Variants in EXD1 observed in about 807,000 individuals in gnomAD.
EXD1 encodes the protein piRNA biogenesis protein EXD1.
EXD1 carries 63 observed loss-of-function variants against 49.1 expected under a neutral mutation model. That is an observed-to-expected ratio of 1.28 (90% confidence interval 1.05 to 1.58). EXD1 has a LOEUF of 1.58. Ranked by LOEUF, EXD1 falls within the 40% of genes most tolerant of loss-of-function variation. EXD1 has a pLI of 0.00. For synonymous variants in EXD1, 234 were observed against 239.2 expected (o/e 0.98, Z 0.20); for missense variants, 748 against 666.0 (o/e 1.12, Z -1.36).
chr15:41,227,689 AAAAG>A (rs1367700953), intron 1 of EXD1, among the ~76,000 whole-genome samples: 1 of 151,946 alleles, frequency 6.6e-6, no homozygotes, highest in Admixed American at 6.6e-5. Flanking sequence ...AAAAAAAAAA[AAAAG>A]AATTACAACC....
At chr15:41,199,747 T>TATGA (rs558589077) in intron 7 of EXD1, among the ~76,000 whole-genome samples, 1 of 99,762 alleles carries the variant, frequency 1.0e-5, no homozygotes, top group African/African-American at 4.0e-5. Context: ...ATGTCATATA[T>TATGA]TATATATGAT....
At chr15:41,206,611 T>C (rs1476660470) in intron 7 of EXD1, among the ~76,000 whole-genome samples, 1 of 144,470 alleles carries the variant, frequency 6.9e-6, no homozygotes, top group African/African-American at 2.5e-5. Context: ...AATCCTGTTA[T>C]TCAATTCTTT....
In EXD1 at chr15:41,217,110, C is replaced by T. The variant is rs1337118076; in HGVS notation, c.247G>A (p.Ala83Thr). The change falls in exon 4 of 12, where the codon GCA becomes ACA. Residue 83 changes from alanine to threonine, a missense_variant. Physicochemically the swap from Ala to Thr is moderately conservative, Grantham distance 58. Coordinates refer to ENST00000458580, the MANE Select transcript of EXD1 (RefSeq NM_001286441.2). ...ATTCCTTCTTACCTAACAGAAGATG[C>T]TTTTGCTCTCACTGAGCCTTGTTCC... The part of the protein sequence containing the change: ...EVEQGSVRAK[A>T]SSVSLHAERT... 2.5e-6 allele frequency: 4 copies of T among 1,612,268 alleles called. No individual in the cohort carries two copies. The highest frequency in any genetic ancestry group is 3.4e-6 in the Non-Finnish European group (4 of 1,179,786).
In EXD1 at chr15:41,230,725, G is replaced by T. The variant is rs1037383931; in HGVS notation, c.-300C>A. 3.1e-6 allele frequency: 2 copies of T among 638,840 alleles called. No individual in the cohort carries two copies. Among genetic ancestry groups the T allele is most frequent in the Non-Finnish European group, 5.3e-6 (2 of 380,400 alleles). 39.6% of individuals were successfully genotyped at this position (638,840 alleles called of 1,614,324 possible). Reference sequence around the variant, plus strand: ...CGCCGGGGACACACGCCGCAGAGGCGACGCCCGCCCGGCCCAACGTCCAGT... The same window carrying T: ...CGCCGGGGACACACGCCGCAGAGGCTACGCCCGCCCGGCCCAACGTCCAGT... On this transcript the variant is annotated 5_prime_UTR_variant, in exon 1 of 12. Coordinates refer to ENST00000458580, the MANE Select transcript of EXD1 (RefSeq NM_001286441.2).
intron 7 of EXD1, among the ~76,000 whole-genome samples, chr15:41,198,024 C>CA (rs369020899): frequency 1.3e-5 from 2 of 151,036 alleles, no homozygotes; most frequent in African/African-American, 2.4e-5. Context: ...GACTTTGTCT[C>CA]AAAAAAAATA....
intron 7 of EXD1, among the ~76,000 whole-genome samples, chr15:41,197,118 C>A (rs2046626483): frequency 6.6e-6 from 1 of 152,090 alleles, no homozygotes; most frequent in African/African-American, 2.4e-5. Flanking sequence ...AGCCACCAGG[C>A]CCCACCACAT....
intron 11 of EXD1, among the ~76,000 whole-genome samples, chr15:41,185,435 A>T (rs908319846): frequency 3.3e-5 from 5 of 151,210 alleles, no homozygotes; most frequent in Non-Finnish European, 7.4e-5. Flanking sequence ...AACCTATAAC[A>T]CCTGGCCTTT....
chr15:41,193,600 C>T (rs1471746374), intron 9 of EXD1, among the ~76,000 whole-genome samples: 2 of 152,022 alleles, frequency 1.3e-5, no homozygotes, highest in Non-Finnish European at 2.9e-5. Context: ...ATCAGCCAGG[C>T]ATGGTGGTGT....
At chr15:41,201,192 T>C (rs370631965) in intron 7 of EXD1, among the ~76,000 whole-genome samples, 3 of 151,938 alleles carry the variant, frequency 2.0e-5, no homozygotes, top group African/African-American at 7.3e-5. Context: ...CTGTGTTGAG[T>C]AGAAAGTATA....
Position 41,196,053 on chromosome 15 carries a change from C to T in EXD1, c.535-16G>A. 1.9e-6 allele frequency: 3 copies of T among 1,587,346 alleles called. No homozygotes were observed. Among genetic ancestry groups the T allele is most frequent in the Non-Finnish European group, 2.6e-6 (3 of 1,163,028 alleles). On this transcript the variant is annotated splice_polypyrimidine_tract_variant and intron_variant, in intron 7 of 11. Transcript: ENST00000458580. ...TTGTGGCCACCTACAATAGACCATC[C>T]AGACACACATACCATAGGATAAGAA...
intron 6 of EXD1, among the ~76,000 whole-genome samples, chr15:41,210,180 G>T (rs148178403): frequency 0.016 from 2,390 of 152,246 alleles, 60 homozygotes; most frequent in African/African-American, 0.055. Context: ...CTCCCAAAGT[G>T]CTGGGATTAC....
intron 7 of EXD1, among the ~76,000 whole-genome samples, chr15:41,207,299 T>C (rs2046846733): frequency 6.6e-6 from 1 of 151,854 alleles, no homozygotes; most frequent in Non-Finnish European, 1.5e-5. Context: ...CCCAGCACTA[T>C]GGGAGGCCAA....
chr15:41,188,575 T>C (rs2046452927), intron 11 of EXD1, among the ~76,000 whole-genome samples: 1 of 151,878 alleles, frequency 6.6e-6, no homozygotes, highest in African/African-American at 2.4e-5. Flanking sequence ...GTATTTTTTG[T>C]AGAGACGGGG....
intron 7 of EXD1, among the ~76,000 whole-genome samples, chr15:41,196,312 ATTTTTTT>A (rs572843554): frequency 9.2e-6 from 1 of 108,144 alleles, no homozygotes; most frequent in Admixed American, 1.0e-4. Flanking sequence ...CGCCCAGCTA[ATTTTTTT>A]TTTTTTTTTT....
At position 41,183,777 on chromosome 15, in the gene EXD1, T is replaced by C. The variant is rs920066759; in HGVS notation, c.*154A>G. On this transcript the variant is annotated 3_prime_UTR_variant, in exon 12 of 12. Transcript: ENST00000458580. ...AACTTATTCATTCTCATTCTCCGCA[T>C]ACCAGGAACACAGGAGTAAGCAAGA... 4 of 618,222 alleles carry C rather than the reference T, an allele frequency of 6.5e-6. No homozygotes were observed. In the African/African-American group the frequency reaches 7.5e-5, roughly 12 times the overall value. The allele number at this position is 618,222 out of a possible 1,614,324, so 38.3% of individuals were successfully genotyped here.
intron 11 of EXD1, among the ~76,000 whole-genome samples, chr15:41,185,107 G>T (rs182671912): frequency 3.3e-4 from 51 of 152,284 alleles, no homozygotes; most frequent in African/African-American, 1.2e-3. Context: ...ATAGGGCTGT[G>T]TGTCTCTGTG....
intron 11 of EXD1, among the ~76,000 whole-genome samples, chr15:41,189,197 A>G (rs1595422646): frequency 6.6e-6 from 1 of 151,934 alleles, no homozygotes; most frequent in East Asian, 1.9e-4. Context: ...GTAAAACCCC[A>G]TGTCTACCAA....
chr15:41,223,364 G>A (rs1413042589), intron 2 of EXD1, among the ~76,000 whole-genome samples: 1 of 151,988 alleles, frequency 6.6e-6, no homozygotes, highest in Non-Finnish European at 1.5e-5. Context: ...AGGTTGCAAT[G>A]AGCCATGATA....
Position 41,215,796 on chromosome 15 carries a change from G to A in EXD1, c.426C>T (p.Phe142=). The part of the protein sequence containing the change: ...EEVTYTVINQ[F]QQKFGAAILH... ...TTACCGCAGCACCAAACTTCTGCTGGAATTGATTAATGACTGTGTATGTCA... is the reference window on the plus strand; with the variant it reads ...TTACCGCAGCACCAAACTTCTGCTGAAATTGATTAATGACTGTGTATGTCA... Residue 142 remains phenylalanine, a synonymous_variant, in exon 6 of 12, where the codon TTC becomes TTT. Transcript: ENST00000458580. 1.2e-6 allele frequency: 2 copies of A among 1,614,006 alleles called. No individual in the cohort carries two copies. Among genetic ancestry groups the A allele is most frequent in the Non-Finnish European group, 1.7e-6 (2 of 1,179,964 alleles).
Sources: allele counts gnomAD v4.1 joint callset (sites outside exome capture counted in the v4.1 genomes callset), GRCh38; gene constraint gnomAD v4.1.1; transcripts MANE v1.5; gene names NCBI Gene and HGNC (gene_info 2026-07-23, HGNC 2026-07-21).